SMG6: variants seen among roughly 807,000 people sequenced by gnomAD.
The protein encoded by SMG6 is telomerase-binding protein EST1A.
SMG6 carries 66 observed loss-of-function variants against 142.2 expected under a neutral mutation model. The observed-to-expected ratio is 0.46, with a 90% CI of 0.38 to 0.57. SMG6 has a LOEUF of 0.57. SMG6 is among the 20% of genes least tolerant of loss of function. The probability of loss-of-function intolerance (pLI) is 0.00; values close to 1 mark genes in which losing one functional copy is unlikely to be tolerated. For missense variants in SMG6, 1,793 were observed against 1,832.0 expected (o/e 0.98, Z 0.39); for synonymous variants, 779 against 702.4 (o/e 1.11, Z -1.72).
At chr17:2,289,604 A>G (rs2074986333) in intron 6 of SMG6, among the ~76,000 whole-genome samples, 1 of 152,124 alleles carries the variant, frequency 6.6e-6, no homozygotes, top group Admixed American at 6.5e-5. Flanking sequence ...GATAAATTCT[A>G]TGAGTATTTT....
chr17:2,222,939 G>A (rs796206234), intron 10 of SMG6, among the ~76,000 whole-genome samples: 6 of 152,154 alleles, frequency 3.9e-5, no homozygotes, highest in South Asian at 2.1e-4. Context: ...CCTGACATGA[G>A]TTCTGGGCAT....
intron 1 of SMG6, among the ~76,000 whole-genome samples, chr17:2,301,160 G>C (rs556520224): frequency 8.5e-5 from 13 of 152,258 alleles, no homozygotes; most frequent in African/African-American, 3.1e-4. Context: ...AAAAAGGAGG[G>C]AGGGTATTAT....
intron 9 of SMG6, among the ~76,000 whole-genome samples, chr17:2,238,528 G>A (rs1322083319): frequency 6.6e-6 from 1 of 152,200 alleles, no homozygotes; most frequent in African/African-American, 2.4e-5. Flanking sequence ...TCAGAGGTGG[G>A]GAGGGGGCTA....
At chr17:2,141,421 C>T (rs1314791875) in intron 13 of SMG6, among the ~76,000 whole-genome samples, 1 of 152,100 alleles carries the variant, frequency 6.6e-6, no homozygotes, top group African/African-American at 2.4e-5. Context: ...TACAGGAAGG[C>T]AGGCTGTGTT....
At chr17:2,097,978 G>T (rs2068901360) in intron 13 of SMG6, among the ~76,000 whole-genome samples, 1 of 152,078 alleles carries the variant, frequency 6.6e-6, no homozygotes, top group Non-Finnish European at 1.5e-5. Context: ...TAAACTGTGA[G>T]CTTCTTTTTT....
At chr17:2,186,569 G>T in intron 12 of SMG6, 94 bp downstream of exon 12, 2 of 1,405,744 alleles carry the variant, frequency 1.4e-6, no homozygotes, top group Non-Finnish European at 2.0e-6. Context: ...GCAGGCTGTG[G>T]GCAGAAAGAA....
chr17:2,158,647 G>A (rs1443627791), intron 13 of SMG6, among the ~76,000 whole-genome samples: 3 of 152,160 alleles, frequency 2.0e-5, no homozygotes, highest in East Asian at 1.9e-4. Flanking sequence ...GCTAAGCGCC[G>A]TGGCTCATGC....
intron 11 of SMG6, among the ~76,000 whole-genome samples, chr17:2,187,079 C>G (rs1224411610): frequency 1.3e-5 from 2 of 152,234 alleles, no homozygotes; most frequent in Non-Finnish European, 2.9e-5. Flanking sequence ...GCTGAAGCCT[C>G]TACTCTGGCC....
At chr17:2,237,516 T>C in intron 9 of SMG6, 1 of 985,524 alleles carries the variant, frequency 1.0e-6, no homozygotes, top group African/African-American at 1.7e-5. Flanking sequence ...CAGTCATCTG[T>C]CTCAGTTCTT....
At chr17:2,134,708 T>C (rs1347021279) in intron 13 of SMG6, among the ~76,000 whole-genome samples, 2 of 152,156 alleles carry the variant, frequency 1.3e-5, no homozygotes, top group South Asian at 2.1e-4. Flanking sequence ...TCCTGCTAAA[T>C]ACACTACTAA....
At chr17:2,079,486 ATTAGCTGGGCG>A (rs2068350692) in intron 15 of SMG6, among the ~76,000 whole-genome samples, 1 of 145,806 alleles carries the variant, frequency 6.9e-6, no homozygotes. Context: ...TACAAAAAAA[ATTAGCTGGGCG>A]TGGTGGTGCA....
At chr17:2,211,161 G>A (rs938822489) in intron 10 of SMG6, among the ~76,000 whole-genome samples, 1 of 150,042 alleles carries the variant, frequency 6.7e-6, no homozygotes, top group Non-Finnish European at 1.5e-5. Context: ...GTCTTAGACT[G>A]GACAACAGTT....
rs535136007 is a variant in SMG6 at position 2,066,374 on chromosome 17, G to C, written c.3836-695C>G. Among the ~76,000 whole-genome samples, 10 of 150,330 alleles carry C rather than the reference G, an allele frequency of 6.7e-5. No individual in the cohort carries two copies. In the East Asian group the frequency reaches 9.8e-4, roughly 15 times the overall value. On this transcript the variant is annotated intron_variant, in intron 16 of 18. Transcript: ENST00000263073. ...TGTGTACATGTGTGTATATGTCTCT[G>C]TGTGTGTGTGTGTGTGTGCCTGTCT...
intron 13 of SMG6, among the ~76,000 whole-genome samples, chr17:2,122,882 G>A (rs1264046660): frequency 6.6e-6 from 1 of 152,232 alleles, no homozygotes; most frequent in African/African-American, 2.4e-5. Flanking sequence ...AGGAGACTGA[G>A]CACAGAGGGG....
chr17:2,196,846 T>C (rs1037346535), intron 10 of SMG6, among the ~76,000 whole-genome samples: 8 of 152,210 alleles, frequency 5.3e-5, no homozygotes, highest in African/African-American at 1.7e-4. Flanking sequence ...GTAAACAACA[T>C]AGCAAGACCC....
At chr17:2,256,045 G>GCGGAGAGC (rs2074170399) in intron 8 of SMG6, 1 of 175,294 alleles carries the variant, frequency 5.7e-6, no homozygotes, top group Middle Eastern at 2.4e-3. Context: ...CACAAACACT[G>GCGGAGAGC]CGGAGAGCCG....
At chr17:2,245,434 G>A (rs2073907570) in intron 8 of SMG6, among the ~76,000 whole-genome samples, 2 of 152,194 alleles carry the variant, frequency 1.3e-5, no homozygotes, top group South Asian at 2.1e-4. Context: ...CACCCAGGCT[G>A]GAGTGCAGTG....
Position 2,297,913 on chromosome 17 carries a change from C to A in SMG6, c.1990G>T (p.Val664Phe). ...KFRQLVKDPNVENPEQIRNRL... is the reference protein window; with the variant it reads ...KFRQLVKDPNFENPEQIRNRL... ...TTCCGAATCTGTTCTGGGTTCTCAA[C>A]ATTCGGATCCTTGACAAGTTGCCTG... The change falls in exon 3 of 19, where the codon GTT becomes TTT. Residue 664 changes from valine (V) to phenylalanine (F), a missense_variant. Val to Phe is a conservative substitution (Grantham distance 50). This residue lies in a region of SMG6 where 1,597 missense variants were observed against 1,584.6 expected (regional missense o/e 1.01). Coordinates refer to ENST00000263073, the MANE Select transcript of SMG6 (RefSeq NM_017575.5). 6.2e-7 allele frequency: 1 copy of A among 1,613,066 alleles called. No homozygotes were observed. The highest frequency in any genetic ancestry group is 8.5e-7 in the Non-Finnish European group (1 of 1,180,038).
chr17:2,061,784 G>A, intron 18 of SMG6, 162 bp from the exon 19 acceptor site: 1 of 804,792 alleles, frequency 1.2e-6, no homozygotes, highest in Non-Finnish European at 1.9e-6. Context: ...TCAGCCCCGG[G>A]GACCCTCCCC....
Sources: allele counts gnomAD v4.1 joint callset (sites outside exome capture counted in the v4.1 genomes callset), GRCh38; gene constraint gnomAD v4.1.1; regional missense constraint gnomAD v4.1.1; transcripts MANE v1.5; gene names NCBI Gene and HGNC (gene_info 2026-07-23, HGNC 2026-07-21).